Variants in ATP11B observed in about 807,000 individuals in gnomAD.
The protein encoded by ATP11B is phospholipid-transporting ATPase IF.
Under a neutral mutation model 157.8 loss-of-function variants are expected in ATP11B, and 81 were observed. That is an observed-to-expected ratio of 0.51 (90% CI 0.43 to 0.62). The LOEUF is 0.62. ATP11B is among the 20% of genes least tolerant of loss of function. The probability of loss-of-function intolerance (pLI) is 0.00; values close to 1 mark genes in which losing one functional copy is unlikely to be tolerated. For missense variants in ATP11B, 1,165 were observed against 1,402.2 expected (o/e 0.83, Z 2.70); for synonymous variants, 451 against 469.4 (o/e 0.96, Z 0.51).
At chr3:182,866,117 T>A in intron 13 of ATP11B, 151 bp from the exon 14 acceptor site, 1 of 553,322 alleles carries the variant, frequency 1.8e-6, no homozygotes. Flanking sequence ...AAATGTGACA[T>A]TTTACTTTTT....
At chr3:182,908,810 C>T (rs1426622330) in intron 28 of ATP11B, among the ~76,000 whole-genome samples, 2 of 152,172 alleles carry the variant, frequency 1.3e-5, no homozygotes, top group African/African-American at 4.8e-5. Flanking sequence ...AAATCAGTAA[C>T]ATTTGATGAC....
At chr3:182,801,026 C>G (rs1253968870) in intron 1 of ATP11B, among the ~76,000 whole-genome samples, 1 of 152,020 alleles carries the variant, frequency 6.6e-6, no homozygotes, top group African/African-American at 2.4e-5. Context: ...AGTCTCGAAC[C>G]CTGGACCTCA....
chr3:182,906,057 G>A (rs767677978), intron 28 of ATP11B: 51 of 316,196 alleles, frequency 1.6e-4, no homozygotes, highest in Non-Finnish European at 2.5e-4. Context: ...TTTTAGTTTC[G>A]TTGTTTTCCT....
At chr3:182,882,367 TG>T (rs1353725879) in intron 21 of ATP11B, among the ~76,000 whole-genome samples, 2 of 152,172 alleles carry the variant, frequency 1.3e-5, no homozygotes, top group African/African-American at 4.8e-5. Flanking sequence ...AGTTTAATTC[TG>T]TAATGATAAC....
intron 12 of ATP11B, among the ~76,000 whole-genome samples, chr3:182,863,056 A>C (rs192793303): frequency 1.4e-4 from 22 of 151,966 alleles, no homozygotes; most frequent in South Asian, 4.2e-4. Flanking sequence ...AGTTGGGACT[A>C]CAGGCACCCG....
chr3:182,891,729 A>G (rs749312749), intron 25 of ATP11B, among the ~76,000 whole-genome samples: 1 of 152,190 alleles, frequency 6.6e-6, no homozygotes, highest in Non-Finnish European at 1.5e-5. Context: ...TTTACTGTCT[A>G]TTGAAATTAA....
intron 12 of ATP11B, 65 bp from the exon 13 acceptor site, chr3:182,865,391 T>C: frequency 6.6e-7 from 1 of 1,522,446 alleles, no homozygotes; most frequent in South Asian, 1.3e-5. Context: ...ACAGAGATTT[T>C]TTTCTTGTTT....
intron 1 of ATP11B, among the ~76,000 whole-genome samples, chr3:182,803,366 G>A (rs1441883256): frequency 6.6e-6 from 1 of 152,042 alleles, no homozygotes; most frequent in South Asian, 2.1e-4. Context: ...TTTTCCATTG[G>A]GTAGTTTGGC....
rs1257971687 is a variant in ATP11B at position 182,887,550 on chromosome 3, C to CAGA, written c.2716-34_2716-32dup. 1.9e-6 allele frequency: 3 copies of CAGA among 1,584,554 alleles called. No individual in the cohort carries two copies. The African/African-American group carries it at 4.1e-5, about 22-fold the overall frequency. Reference sequence around the variant, plus strand: ...ATATGCATAATAGTAATGCATAATTCAGAAACTCAACATTCCTACCAATTT... The same window carrying CAGA: ...ATATGCATAATAGTAATGCATAATTCAGAAGAAACTCAACATTCCTACCAATTT... On this transcript the variant is annotated intron_variant, in intron 23 of 29. Transcript: ENST00000323116.
In ATP11B at chr3:182,920,083, G is replaced by C. The variant is rs1188517781; in HGVS notation, c.*1979G>C. 1 of 152,000 alleles carries C rather than the reference G, an allele frequency of 6.6e-6. No individual in the cohort carries two copies. Among genetic ancestry groups the C allele is most frequent in the African/African-American group, 2.4e-5 (1 of 41,380 alleles). The allele number at this position is 152,000 out of a possible 1,614,324, so 9.4% of individuals were successfully genotyped here. A position where few individuals can be genotyped will look rare whatever the true frequency, so the allele number is the denominator to read the frequency against. ...AGGCCTGCATTACATTTACATGACCGTGTTTATTTGCCATCAAATAAACTG... is the reference window on the plus strand; with the variant it reads ...AGGCCTGCATTACATTTACATGACCCTGTTTATTTGCCATCAAATAAACTG... On this transcript the variant is annotated 3_prime_UTR_variant, in exon 30 of 30. Transcript: ENST00000323116.
At chr3:182,798,329 C>G (rs984971747) in intron 1 of ATP11B, among the ~76,000 whole-genome samples, 1 of 152,176 alleles carries the variant, frequency 6.6e-6, no homozygotes, top group African/African-American at 2.4e-5. Flanking sequence ...GAATGAGTAT[C>G]AGATCTAATT....
chr3:182,869,228 G>C lies in ATP11B; in HGVS notation c.1763G>C (p.Gly588Ala). 1.2e-6 allele frequency: 2 copies of C among 1,605,788 alleles called. No individual in the cohort carries two copies. The highest frequency in any genetic ancestry group is 1.7e-6 in the Non-Finnish European group (2 of 1,175,388). The stretch of plus-strand genomic sequence containing the variant: ...GATAACTCATTTTTTTTGTCTCTAG[G>C]TGAGAAGTTATTATTTGCTAAAGGA... ...RMSVIVQAPS[G>A]EKLLFAKGAE... Residue 588 changes from glycine (G) to alanine (A), a missense_variant and splice_region_variant, in exon 17 of 30, where the codon GGT becomes GCT. Transcript: ENST00000323116.
chr3:182,839,446 G>T (rs1718821716), intron 7 of ATP11B, among the ~76,000 whole-genome samples: 1 of 152,024 alleles, frequency 6.6e-6, no homozygotes, highest in Non-Finnish European at 1.5e-5. Context: ...ATAAATGTGT[G>T]TATATATGTA....
intron 29 of ATP11B, chr3:182,916,265 T>A: frequency 1.0e-6 from 1 of 985,330 alleles, no homozygotes; most frequent in Non-Finnish European, 1.2e-6. Context: ...CATGTCTAAT[T>A]TAAGAGGTGG....
intron 6 of ATP11B, 123 bp downstream of exon 6, chr3:182,836,593 T>G: frequency 8.8e-7 from 1 of 1,132,222 alleles, no homozygotes. Flanking sequence ...TTAAAATTAC[T>G]ATTTCAAAAA....
chr3:182,872,560 A>C, intron 18 of ATP11B, 23 bp downstream of exon 18: 1 of 1,547,792 alleles, frequency 6.5e-7, no homozygotes, highest in Non-Finnish European at 8.7e-7. Flanking sequence ...TAATTAAAAA[A>C]TATTACTTTT....
intron 2 of ATP11B, among the ~76,000 whole-genome samples, chr3:182,821,473 T>C (rs1027978928): frequency 1.3e-5 from 2 of 152,220 alleles, no homozygotes; most frequent in African/African-American, 2.4e-5. Context: ...TTATCACTCA[T>C]TTGTACACAT....
At chr3:182,808,854 C>T (rs974541935) in intron 1 of ATP11B, among the ~76,000 whole-genome samples, 1 of 152,018 alleles carries the variant, frequency 6.6e-6, no homozygotes, top group East Asian at 1.9e-4. Context: ...TACTGTGCAG[C>T]GTTTGTTACA....
intron 1 of ATP11B, among the ~76,000 whole-genome samples, chr3:182,813,860 TG>T (rs1442813007): frequency 6.6e-6 from 1 of 151,974 alleles, no homozygotes; most frequent in Non-Finnish European, 1.5e-5. Flanking sequence ...CCCGAGTAGC[TG>T]GAACTATAGA....
Sources: gnomAD v4.1 joint callset for allele counts (sites outside exome capture counted in the v4.1 genomes callset) on GRCh38, gnomAD v4.1.1 for gene constraint, MANE v1.5 for transcripts, NCBI Gene and HGNC (gene_info 2026-07-23, HGNC 2026-07-21) for gene names.